ATP2B2: variants seen among roughly 807,000 people sequenced by gnomAD.
The protein encoded by ATP2B2 is plasma membrane calcium-transporting ATPase 2.
ATP2B2 carries 15 observed loss-of-function variants against 120.0 expected under a neutral mutation model. The ratio of observed to expected loss-of-function variants is 0.12; its 90% CI spans 0.08 to 0.19. The LOEUF (loss-of-function observed/expected upper bound fraction) is 0.19. Ranked by LOEUF, ATP2B2 falls within the 10% of genes least tolerant of loss-of-function variation. The pLI, the probability that ATP2B2 is intolerant of heterozygous loss-of-function variation, is 1.00. For missense variants in ATP2B2, 1,045 were observed against 1,719.8 expected (o/e 0.61, Z 6.94); for synonymous variants, 694 against 700.3 (o/e 0.99, Z 0.14).
intron 1 of ATP2B2, among the ~76,000 whole-genome samples, chr3:10,477,417 T>G (rs2065246254): frequency 6.6e-6 from 1 of 152,234 alleles, no homozygotes. Flanking sequence ...GATTTACCAT[T>G]CTAGCCATTT....
rs575711788 is a variant in ATP2B2, at chr3:10,489,676, C to T, written c.-320+15789G>A. On this transcript the variant is annotated intron_variant, in intron 1 of 22. Coordinates refer to ENST00000360273, the MANE Select transcript of ATP2B2 (RefSeq NM_001001331.4). ...CCCTGCCTCCTATCAGTCCCAAAGC[C>T]CTGTCAGCCCATCCCATGCCCTGCT... 5.3e-5 allele frequency among the ~76,000 whole-genome samples: 8 copies of T among 152,270 alleles called. No individual in the cohort carries two copies. In the South Asian group the frequency reaches 8.3e-4, roughly 16 times the overall value.
At chr3:10,562,667 C>T (rs555906971) in intron 2 of ATP2B2, among the ~76,000 whole-genome samples, 1 of 152,138 alleles carries the variant, frequency 6.6e-6, no homozygotes, top group Non-Finnish European at 1.5e-5. Flanking sequence ...TTTTGGACCT[C>T]AAGTTGATCA....
Position 10,328,659 on chromosome 3 carries a change from C to T in ATP2B2, c.*155G>A, listed in dbSNP as rs1483361025. ...ACAGCATCGCAGCCAGAGAAAGGGTCTGTGGGTGGAAACGTTGGTTTTCTC... is the reference window on the plus strand; with the variant it reads ...ACAGCATCGCAGCCAGAGAAAGGGTTTGTGGGTGGAAACGTTGGTTTTCTC... On this transcript the variant is annotated 3_prime_UTR_variant, in exon 23 of 23. Coordinates refer to ENST00000360273, the MANE Select transcript of ATP2B2 (RefSeq NM_001001331.4). 2 of 738,950 alleles carry T rather than the reference C, an allele frequency of 2.7e-6. No homozygotes were observed. Among genetic ancestry groups the T allele is most frequent in the African/African-American group, 3.6e-5 (2 of 56,020 alleles). 45.8% of individuals were successfully genotyped at this position (738,950 alleles called of 1,614,324 possible). A position where few individuals can be genotyped will look rare whatever the true frequency, so the allele number is the denominator to read the frequency against.
At chr3:10,595,362 G>C (rs916015262) in intron 2 of ATP2B2, among the ~76,000 whole-genome samples, 2 of 152,162 alleles carry the variant, frequency 1.3e-5, no homozygotes, top group Non-Finnish European at 2.9e-5. Context: ...TGCAATCTAA[G>C]GTCCTAATTA....
rs778841319 is a variant in ATP2B2, at chr3:10,338,341, C to T, written c.3255G>A (p.Pro1085=). The change falls in exon 22 of 23, where the codon CCG becomes CCA. Residue 1085 remains proline, a synonymous_variant. Transcript: ENST00000360273. ...CCTTGAGGAACTTGAGTCTGCTGGT[C>T]GGGATGGTGGCGATGACCTGCAAGG... ...LVWGQVIATI[P]TSRLKFLKEA... The T allele has an allele frequency of 2.7e-5, 44 of 1,613,980 alleles. No homozygotes were observed. The East Asian group carries it at 5.1e-4, about 19-fold the overall frequency.
At chr3:10,704,900 A>C (rs995290048) in intron 1 of ATP2B2, among the ~76,000 whole-genome samples, 1 of 152,208 alleles carries the variant, frequency 6.6e-6, no homozygotes, top group African/African-American at 2.4e-5. Context: ...ATTTAACACA[A>C]AGAAAAGATT....
intron 13 of ATP2B2, among the ~76,000 whole-genome samples, chr3:10,359,544 C>T (rs17223473): frequency 0.33 from 50,776 of 152,014 alleles, 9,879 homozygotes; most frequent in East Asian, 0.55. Flanking sequence ...CAACTCTACG[C>T]TAAAGGAAAT....
At chr3:10,614,453 G>T (rs750669102) in intron 2 of ATP2B2, among the ~76,000 whole-genome samples, 4 of 152,172 alleles carry the variant, frequency 2.6e-5, no homozygotes, top group Non-Finnish European at 4.4e-5. Flanking sequence ...AAAGTGCTTT[G>T]TTAGTAGGTA....
intron 2 of ATP2B2, among the ~76,000 whole-genome samples, chr3:10,568,247 G>T (rs935102632): frequency 2.6e-5 from 4 of 152,188 alleles, no homozygotes; most frequent in Non-Finnish European, 4.4e-5. Flanking sequence ...GGCCCATGGG[G>T]TGCTTTCCTG....
chr3:10,459,557 C>T (rs1365081522), intron 1 of ATP2B2, among the ~76,000 whole-genome samples: 1 of 152,244 alleles, frequency 6.6e-6, no homozygotes. Flanking sequence ...GTCTTCTTTG[C>T]AGCACTGGCT....
At chr3:10,398,684 A>G (rs1471881058) in intron 5 of ATP2B2, among the ~76,000 whole-genome samples, 1 of 151,936 alleles carries the variant, frequency 6.6e-6, no homozygotes, top group Admixed American at 6.6e-5. Flanking sequence ...GTCTCCTGGG[A>G]CTTCTGGCCT....
At chr3:10,669,492 CTT>C (rs1426002953) in intron 1 of ATP2B2, among the ~76,000 whole-genome samples, 1 of 152,200 alleles carries the variant, frequency 6.6e-6, no homozygotes, top group Non-Finnish European at 1.5e-5. Flanking sequence ...AACCTCATCT[CTT>C]TCACCCCTTT....
At chr3:10,662,624 C>T (rs190818805) in intron 1 of ATP2B2, among the ~76,000 whole-genome samples, 2 of 151,678 alleles carry the variant, frequency 1.3e-5, no homozygotes, top group Non-Finnish European at 2.9e-5. Context: ...AGAAATAGGA[C>T]CACTTTTACA....
In ATP2B2 at chr3:10,327,128, A is replaced by G. The variant is rs2059871421; in HGVS notation, c.*1686T>C. ...ATTAAATACAAAAGTTCTTTTATGA[A>G]AAACGCTGAGACCCACAAAGTGCTT... On this transcript the variant is annotated 3_prime_UTR_variant, in exon 23 of 23. Coordinates refer to ENST00000360273, the MANE Select transcript of ATP2B2 (RefSeq NM_001001331.4). 3.3e-6 allele frequency: 1 copy of G among 304,684 alleles called. No homozygotes were observed. Among genetic ancestry groups the G allele is most frequent in the Non-Finnish European group, 6.0e-6 (1 of 167,814 alleles). 18.9% of individuals were successfully genotyped at this position (304,684 alleles called of 1,614,324 possible).
intron 2 of ATP2B2, among the ~76,000 whole-genome samples, chr3:10,429,124 C>A (rs2125093745): frequency 6.6e-6 from 1 of 152,250 alleles, no homozygotes; most frequent in East Asian, 1.9e-4. Context: ...CTTTGCCCAC[C>A]TTCTCCACTT....
intron 1 of ATP2B2, among the ~76,000 whole-genome samples, chr3:10,693,206 A>G (rs1199878076): frequency 6.6e-6 from 1 of 152,234 alleles, no homozygotes. Flanking sequence ...TATGTTTCTG[A>G]TGACACAGTT....
intron 3 of ATP2B2, among the ~76,000 whole-genome samples, chr3:10,408,251 G>A (rs1192987592): frequency 6.6e-6 from 1 of 152,242 alleles, no homozygotes; most frequent in African/African-American, 2.4e-5. Context: ...GGAAGGCTGT[G>A]TGCAGGGAGA....
intron 2 of ATP2B2, among the ~76,000 whole-genome samples, chr3:10,580,062 G>A (rs868403854): frequency 3.3e-5 from 5 of 152,222 alleles, no homozygotes; most frequent in African/African-American, 1.2e-4. Context: ...CCCACCCACT[G>A]ACAGCCACTC....
At position 10,345,394 on chromosome 3, in the gene ATP2B2, C is replaced by A. The variant is rs1027007294; in HGVS notation, c.2693G>T (p.Cys898Phe). The part of the protein sequence containing the change: ...VAVIVAFTGA[C>F]ITQDSPLKAV... ...CTCCTGCGGACCCACCTGCGTGATG[C>A]AGGCGCCTGTGAAGGCCACAATCAC... Residue 898 changes from cysteine to phenylalanine, a missense_variant, in exon 18 of 23, where the codon TGC becomes TTC. Transcript: ENST00000360273. 2 of 1,614,056 alleles carry A rather than the reference C, an allele frequency of 1.2e-6. No individual in the cohort carries two copies. Among genetic ancestry groups the A allele is most frequent in the Non-Finnish European group, 1.7e-6 (2 of 1,180,022 alleles).
Sources: gnomAD v4.1 joint callset for allele counts (sites outside exome capture counted in the v4.1 genomes callset) on GRCh38, gnomAD v4.1.1 for gene constraint, MANE v1.5 for transcripts, NCBI Gene and HGNC (gene_info 2026-07-23, HGNC 2026-07-21) for gene names.